DENND1A: variants seen among roughly 807,000 people sequenced by gnomAD.
DENND1A encodes the protein DENN domain containing 1A, also known as DENN domain-containing protein 1A.
In DENND1A, 51 loss-of-function variants were observed where a neutral mutation model predicts 113.7. The ratio of observed to expected loss-of-function variants is 0.45; its 90% confidence interval spans 0.36 to 0.57. DENND1A has a LOEUF of 0.57. DENND1A is among the 20% of genes least tolerant of loss of function. DENND1A has a pLI of 0.00. For missense variants in DENND1A, 1,258 were observed against 1,395.9 expected (o/e 0.90, Z 1.57); for synonymous variants, 565 against 570.8 (o/e 0.99, Z 0.14).
chr9:123,887,656 A>G (rs965784365), intron 1 of DENND1A, among the ~76,000 whole-genome samples: 2 of 151,436 alleles, frequency 1.3e-5, no homozygotes, highest in African/African-American at 4.9e-5. Flanking sequence ...GGCTTCCCAG[A>G]GTGAGTGGGA....
At chr9:123,778,299 T>G (rs779610808) in intron 3 of DENND1A, among the ~76,000 whole-genome samples, 4 of 152,194 alleles carry the variant, frequency 2.6e-5, no homozygotes, top group Non-Finnish European at 5.9e-5. Context: ...GGTACCAGAG[T>G]ACATTCAGAC....
chr9:123,570,234 C>A (rs954673743), intron 12 of DENND1A, among the ~76,000 whole-genome samples: 23 of 152,132 alleles, frequency 1.5e-4, no homozygotes, highest in Non-Finnish European at 5.9e-5. Context: ...AATCTCCATA[C>A]CTGAAGTGGC....
At chr9:123,751,224 C>T (rs540302021) in intron 5 of DENND1A, 20 of 152,102 alleles carry the variant, frequency 1.3e-4, no homozygotes, top group Admixed American at 4.6e-4. Flanking sequence ...TTCTGTGTTT[C>T]GAGTGAAAAT....
intron 5 of DENND1A, among the ~76,000 whole-genome samples, chr9:123,714,406 G>A (rs1211825586): frequency 4.0e-5 from 6 of 151,744 alleles, no homozygotes; most frequent in African/African-American, 7.3e-5. Context: ...GTTCGAGACC[G>A]GCCTGGCCAA....
At position 123,609,248 on chromosome 9, in the gene DENND1A, G is replaced by C. The variant is rs115130120; in HGVS notation, c.765+188C>G. ...AATCCACAGTCTCTCGGCAAAGTGG[G>C]AAAACCCTGAAAACAGAGCCCAGTG... is the stretch of plus-strand genomic sequence containing the variant. On this transcript the variant is annotated intron_variant, in intron 11 of 23. Coordinates refer to ENST00000394215, the MANE Select transcript of DENND1A (RefSeq NM_001352964.2). Among the ~76,000 whole-genome samples, 951 of 152,248 alleles carry C rather than the reference G, an allele frequency of 6.2e-3. 6 individuals carry two copies. Among genetic ancestry groups the C allele is most frequent in the African/African-American group, 0.022 (912 of 41,540 alleles).
chr9:123,538,037 C>T (rs977736561), intron 13 of DENND1A, among the ~76,000 whole-genome samples: 6 of 152,094 alleles, frequency 3.9e-5, no homozygotes, highest in Non-Finnish European at 8.8e-5. Context: ...CATGCTCTAG[C>T]AATGTAAATA....
At chr9:123,581,875 G>C (rs1009243447) in intron 12 of DENND1A, among the ~76,000 whole-genome samples, 1 of 152,190 alleles carries the variant, frequency 6.6e-6, no homozygotes, top group African/African-American at 2.4e-5. Flanking sequence ...GGCCAAAGCA[G>C]AAACAGCAAA....
chr9:123,492,874 G>A (rs1467623701), intron 13 of DENND1A: 1 of 152,224 alleles, frequency 6.6e-6, no homozygotes, highest in Non-Finnish European at 1.5e-5. Flanking sequence ...GGTAATAGGA[G>A]GGAAATGGAT....
chr9:123,861,800 G>A (rs1053203015), intron 2 of DENND1A, among the ~76,000 whole-genome samples: 1 of 152,150 alleles, frequency 6.6e-6, no homozygotes, highest in Non-Finnish European at 1.5e-5. Flanking sequence ...TTGGGAGTGA[G>A]ACTTTTTCTA....
intron 3 of DENND1A, among the ~76,000 whole-genome samples, chr9:123,774,846 T>C (rs1443664215): frequency 6.6e-6 from 1 of 152,162 alleles, no homozygotes; most frequent in Non-Finnish European, 1.5e-5. Context: ...TCTATAAACA[T>C]GTTTCATATA....
At chr9:123,458,470 G>A (rs893005967) in intron 13 of DENND1A, among the ~76,000 whole-genome samples, 1 of 152,134 alleles carries the variant, frequency 6.6e-6, no homozygotes, top group African/African-American at 2.4e-5. Flanking sequence ...TTTCAGAGAG[G>A]AAGAGTCATC....
At chr9:123,579,070 T>C (rs555525265) in intron 12 of DENND1A, among the ~76,000 whole-genome samples, 40 of 152,186 alleles carry the variant, frequency 2.6e-4, no homozygotes, top group South Asian at 6.2e-4. Context: ...GAACTACAGC[T>C]ATGGAGAAAC....
At chr9:123,799,887 C>T (rs1035660593) in intron 2 of DENND1A, among the ~76,000 whole-genome samples, 1 of 152,180 alleles carries the variant, frequency 6.6e-6, no homozygotes, top group Non-Finnish European at 1.5e-5. Context: ...GTCGTAAGCA[C>T]ACAATAAATA....
chr9:123,810,758 CT>C (rs570849433), intron 2 of DENND1A, among the ~76,000 whole-genome samples: 43,498 of 130,914 alleles, frequency 0.33, 7,219 homozygotes, highest in African/African-American at 0.55. Flanking sequence ...ACTTAAATCC[CT>C]TTTTTTTTTT....
rs1339684018 is a variant in DENND1A, at chr9:123,655,532, G to GT, written c.508-3410dup. ...GCCACTGGAAGCTACACAAAGACCG[G>GT]TAAGTAACTGGGAATGGCGGAGGGA... On this transcript the variant is annotated intron_variant, in intron 8 of 23. Coordinates refer to ENST00000394215, the MANE Select transcript of DENND1A (RefSeq NM_001352964.2). Among the ~76,000 whole-genome samples, 3 of 152,188 alleles carry GT rather than the reference G, an allele frequency of 2.0e-5. No individual in the cohort carries two copies. In the East Asian group the frequency reaches 5.8e-4, roughly 29 times the overall value.
At chr9:123,399,042 C>T (rs1165866693) in intron 21 of DENND1A, among the ~76,000 whole-genome samples, 3 of 151,946 alleles carry the variant, frequency 2.0e-5, no homozygotes, top group African/African-American at 4.8e-5. Flanking sequence ...GTGACCCGCC[C>T]GCCTCGGCCT....
At chr9:123,495,141 T>TCTCTCTCTCTCTCTCTCTCTCTCTCTCTC (rs2051763656) in intron 13 of DENND1A, among the ~76,000 whole-genome samples, 77 of 140,646 alleles carry the variant, frequency 5.5e-4, no homozygotes, top group African/African-American at 1.8e-3. Context: ...CATTGTCTCT[T>TCTCTCTCTCTCTCTCTCTCTCTCTCTCTC]TCTCTCTCTC....
In DENND1A at chr9:123,743,547, T is replaced by C. The variant is rs1319054715; in HGVS notation, c.302+14156A>G. ...AGGGGTTTGAGACCAGCCTGACCAATATGGTGAAACCCTGTCTCTACTAAA... is the reference window on the plus strand; with the variant it reads ...AGGGGTTTGAGACCAGCCTGACCAACATGGTGAAACCCTGTCTCTACTAAA... On this transcript the variant is annotated intron_variant, in intron 5 of 23. Coordinates refer to ENST00000394215, the MANE Select transcript of DENND1A (RefSeq NM_001352964.2). 2.0e-5 allele frequency among the ~76,000 whole-genome samples: 3 copies of C among 151,492 alleles called. No homozygotes were observed. The East Asian group carries it at 5.8e-4, about 29-fold the overall frequency.
At chr9:123,629,559 T>G (rs2061388029) in intron 10 of DENND1A, among the ~76,000 whole-genome samples, 1 of 152,242 alleles carries the variant, frequency 6.6e-6, no homozygotes, top group Non-Finnish European at 1.5e-5. Flanking sequence ...TGTTTCATCT[T>G]TGTATGATTA....
Sources: gnomAD v4.1 joint callset for allele counts (sites outside exome capture counted in the v4.1 genomes callset) on GRCh38, gnomAD v4.1.1 for gene constraint, MANE v1.5 for transcripts, NCBI Gene and HGNC (gene_info 2026-07-23, HGNC 2026-07-21) for gene names.